DRICH1: variants seen among roughly 807,000 people sequenced by gnomAD.
DRICH1 encodes the protein aspartate rich 1, also known as aspartate-rich protein 1.
A neutral mutation model predicts 39.5 loss-of-function variants in DRICH1; 38 were observed. The ratio of observed to expected loss-of-function variants is 0.96; its 90% CI spans 0.74 to 1.26. The LOEUF is 1.26. DRICH1 is among the 50% of genes most tolerant of loss of function. The probability of loss-of-function intolerance (pLI) is 0.00; values close to 1 mark genes in which losing one functional copy is unlikely to be tolerated. For missense variants in DRICH1, 279 were observed against 270.4 expected (o/e 1.03, Z -0.22); for synonymous variants, 84 against 99.5 (o/e 0.84, Z 0.93).
intron 1 of DRICH1, 23 bp from the exon 2 acceptor site, chr22:23,626,071 T>C: frequency 6.3e-7 from 1 of 1,579,824 alleles, no homozygotes; most frequent in Non-Finnish European, 8.7e-7. Context: ...AGAGTTAATG[T>C]CAGTGCCCTG....
the DRICH1 span, among the ~76,000 whole-genome samples, chr22:23,594,420 A>G: frequency 2.3e-4 from 35 of 152,300 alleles, no homozygotes; most frequent in African/African-American, 8.2e-4. Flanking sequence ...AATACAAAAA[A>G]TTAACCAGGT....
At chr22:23,600,219 C>A in the DRICH1 span, among the ~76,000 whole-genome samples, 172 of 152,266 alleles carry the variant, frequency 1.1e-3, 1 homozygote, top group East Asian at 0.029. Flanking sequence ...AAAGGGTCCC[C>A]ATTTCCCTTT....
At chr22:23,625,793 G>T in intron 2 of DRICH1, among the ~76,000 whole-genome samples, 188 bp downstream of exon 2, 1 of 152,080 alleles carries the variant, frequency 6.6e-6, no homozygotes, top group East Asian at 1.9e-4. Flanking sequence ...CTGCACACTC[G>T]GGGATAAATT....
At chr22:23,615,351 G>A (rs1927293145) in intron 8 of DRICH1, among the ~76,000 whole-genome samples, 1 of 152,122 alleles carries the variant, frequency 6.6e-6, no homozygotes, top group Non-Finnish European at 1.5e-5. Context: ...ACTCCAGCCT[G>A]GGCAAGAACA....
the DRICH1 span, among the ~76,000 whole-genome samples, chr22:23,599,745 C>T: frequency 6.6e-6 from 1 of 152,202 alleles, no homozygotes; most frequent in African/African-American, 2.4e-5. Context: ...CTGAGGTTGC[C>T]ACTGCCCCCA....
chr22:23,612,867 C>T (rs907231307), intron 11 of DRICH1, among the ~76,000 whole-genome samples: 7 of 152,178 alleles, frequency 4.6e-5, no homozygotes, highest in African/African-American at 1.7e-4. Context: ...TCGATTTCCC[C>T]TTGGCACACA....
intron 1 of DRICH1, among the ~76,000 whole-genome samples, chr22:23,627,647 T>C (rs192380274): frequency 4.2e-4 from 64 of 151,498 alleles, no homozygotes; most frequent in African/African-American, 1.4e-3. Flanking sequence ...CAGCAGGGGG[T>C]GCACGTGCAC....
the DRICH1 span, among the ~76,000 whole-genome samples, chr22:23,600,269 G>A: frequency 3.3e-5 from 5 of 152,140 alleles, no homozygotes; most frequent in African/African-American, 1.2e-4. Context: ...AATGTCTGAG[G>A]TTTGGAAGCA....
At chr22:23,588,384 C>CCG in the DRICH1 span, among the ~76,000 whole-genome samples, 1 of 152,212 alleles carries the variant, frequency 6.6e-6, no homozygotes, top group Non-Finnish European at 1.5e-5. Context: ...CCTCAGCTTC[C>CCG]CAAAGTGCTG....
chr22:23,611,048 C>T (rs761084954), intron 11 of DRICH1, among the ~76,000 whole-genome samples: 1 of 152,142 alleles, frequency 6.6e-6, no homozygotes, highest in Admixed American at 6.5e-5. Flanking sequence ...AGAGCTTCTC[C>T]TTCCAAGCTT....
the DRICH1 span, among the ~76,000 whole-genome samples, chr22:23,589,662 AAC>A: frequency 6.6e-6 from 1 of 152,130 alleles, no homozygotes; most frequent in African/African-American, 2.4e-5. Flanking sequence ...GTCATGTCAA[AAC>A]AAAGAAGAAA....
Position 23,626,045 on chromosome 22 carries a change from G to T in DRICH1, c.212C>A (p.Pro71His), listed in dbSNP as rs755508117. ...TTTTAAACTCAGGCGGTCCTCAGGGGGACCTAAAAGGACACAGAGTTAATG... is the reference window on the plus strand; with the variant it reads ...TTTTAAACTCAGGCGGTCCTCAGGGTGACCTAAAAGGACACAGAGTTAATG... ...HISNQKMPTG[P>H]PEDRLSLKFL... is the part of the protein sequence containing the mutation. The change falls in exon 2 of 12, where the codon CCC (proline) becomes CAC (histidine). Residue 71 changes from proline to histidine, a missense_variant. Transcript: ENST00000317749. 8.7e-6 allele frequency: 14 copies of T among 1,610,754 alleles called. No homozygotes were observed. Among genetic ancestry groups the T allele is most frequent in the Admixed American group, 1.7e-5 (1 of 59,758 alleles).
chr22:23,620,684 T>C lies in DRICH1; in HGVS notation c.385-69A>G, dbSNP rs114580984. The C allele has an allele frequency of 2.1e-3, 3,333 of 1,558,386 alleles. 47 individuals carry two copies. In the African/African-American group the frequency reaches 0.039, roughly 18 times the overall value. ...CTGCTGCACCCCTTACACAGATCTG[T>C]TATTCTCTTGATGACTTCAGAAAAC... On this transcript the variant is annotated intron_variant, in intron 4 of 11. Transcript: ENST00000317749.
chr22:23,607,367 C>T (rs536333812), downstream of DRICH1, among the ~76,000 whole-genome samples: 19 of 152,322 alleles, frequency 1.2e-4, no homozygotes, highest in Admixed American at 3.9e-4. Context: ...GTCCAGGTCA[C>T]ATAGGATCAC....
downstream of DRICH1, among the ~76,000 whole-genome samples, chr22:23,605,499 G>T (rs1239114463): frequency 6.6e-6 from 1 of 152,162 alleles, no homozygotes; most frequent in African/African-American, 2.4e-5. Context: ...GAAAGGGTGT[G>T]GAGGCGGCAC....
the DRICH1 span, among the ~76,000 whole-genome samples, chr22:23,599,457 C>G: frequency 2.0e-5 from 3 of 149,302 alleles, no homozygotes; most frequent in Non-Finnish European, 4.5e-5. Context: ...TCCCCTGCCC[C>G]TATTAAGGCC....
chr22:23,629,162 C>G (rs1386721730), intron 1 of DRICH1, among the ~76,000 whole-genome samples: 2 of 152,140 alleles, frequency 1.3e-5, no homozygotes, highest in Admixed American at 1.3e-4. Context: ...CCTCAACCTC[C>G]CGAGTAGCTG....
At chr22:23,625,830 C>G in intron 2 of DRICH1, 151 bp downstream of exon 2, 2 of 651,290 alleles carry the variant, frequency 3.1e-6, no homozygotes, top group Admixed American at 2.7e-5. Flanking sequence ...CTGGGTGTGT[C>G]TGCACCCAGA....
chr22:23,613,379 C>G, intron 10 of DRICH1, 49 bp from the exon 11 acceptor site: 1 of 1,442,024 alleles, frequency 6.9e-7, no homozygotes, highest in Non-Finnish European at 9.8e-7. Flanking sequence ...AGTGACTCAC[C>G]CACTCCTCCT....
Sources: allele counts gnomAD v4.1 joint callset (sites outside exome capture counted in the v4.1 genomes callset), GRCh38; gene constraint gnomAD v4.1.1; transcripts MANE v1.5; gene names NCBI Gene and HGNC (gene_info 2026-07-23, HGNC 2026-07-21).